L3MBTL4: variants seen among roughly 807,000 people sequenced by gnomAD.
The protein encoded by L3MBTL4 is L3MBTL histone methyl-lysine binding protein 4, also known as lethal(3)malignant brain tumor-like protein 4.
A neutral mutation model predicts 84.5 loss-of-function variants in L3MBTL4; 70 were observed. The ratio of observed to expected loss-of-function variants is 0.83; its 90% CI spans 0.68 to 1.01. The LOEUF is 1.01. Among genes scored for constraint, L3MBTL4 ranks in the 50% least tolerant of loss-of-function variants. L3MBTL4 has a pLI of 0.00. For synonymous variants in L3MBTL4, 274 were observed against 259.8 expected (o/e 1.05, Z -0.52); for missense variants, 715 against 754.8 (o/e 0.95, Z 0.62).
chr18:6,070,917 T>C (rs2057570142), intron 16 of L3MBTL4, among the ~76,000 whole-genome samples: 1 of 152,104 alleles, frequency 6.6e-6, no homozygotes, highest in South Asian at 2.1e-4. Flanking sequence ...TGATTCTATA[T>C]AAAGATAAAG....
chr18:6,301,773 C>A (rs1280347946), intron 4 of L3MBTL4, 130 bp downstream of exon 4: 2 of 751,960 alleles, frequency 2.7e-6, no homozygotes, highest in Non-Finnish European at 4.7e-6. Context: ...TATGCAATAC[C>A]CTGAATAAAT....
At chr18:6,388,386 A>G (rs765684832) in intron 1 of L3MBTL4, among the ~76,000 whole-genome samples, 7 of 152,204 alleles carry the variant, frequency 4.6e-5, no homozygotes, top group Non-Finnish European at 1.0e-4. Flanking sequence ...AAATTTTGAG[A>G]GTAAAAAAGT....
At chr18:6,164,659 C>T (rs1256583238) in intron 13 of L3MBTL4, among the ~76,000 whole-genome samples, 2 of 152,164 alleles carry the variant, frequency 1.3e-5, no homozygotes, top group Non-Finnish European at 2.9e-5. Flanking sequence ...GAAAGGACAT[C>T]CACACCAAAA....
chr18:6,322,776 G>A (rs2051495621), intron 1 of L3MBTL4, among the ~76,000 whole-genome samples: 1 of 152,082 alleles, frequency 6.6e-6, no homozygotes, highest in Admixed American at 6.6e-5. Context: ...AACTGAGGAT[G>A]GTAAATGGGT....
At chr18:6,317,202 A>G (rs2051152490) in intron 1 of L3MBTL4, among the ~76,000 whole-genome samples, 1 of 152,116 alleles carries the variant, frequency 6.6e-6, no homozygotes, top group Admixed American at 6.6e-5. Context: ...ACTCAGTACT[A>G]AAAGCACTAA....
chr18:6,317,313 G>A (rs1441650748), intron 1 of L3MBTL4, among the ~76,000 whole-genome samples: 1 of 151,788 alleles, frequency 6.6e-6, no homozygotes, highest in East Asian at 1.9e-4. Flanking sequence ...TACTCAAGCA[G>A]ATACCAGAGA....
intron 12 of L3MBTL4, among the ~76,000 whole-genome samples, chr18:6,186,949 C>A (rs1448643554): frequency 6.6e-6 from 1 of 152,106 alleles, no homozygotes; most frequent in Non-Finnish European, 1.5e-5. Flanking sequence ...AGATTCAGAG[C>A]TCGAAATCTT....
At chr18:6,084,247 G>A (rs542010694) in intron 15 of L3MBTL4, among the ~76,000 whole-genome samples, 1 of 152,302 alleles carries the variant, frequency 6.6e-6, no homozygotes, top group South Asian at 2.1e-4. Context: ...TGTAAACAAA[G>A]TTTCACTAGA....
intron 1 of L3MBTL4, among the ~76,000 whole-genome samples, chr18:6,404,314 C>T (rs375751112): frequency 1.5e-4 from 23 of 152,286 alleles, no homozygotes; most frequent in African/African-American, 5.1e-4. Context: ...CGTCCTTCCA[C>T]CTTGGTTCTT....
At chr18:6,028,652 T>A (rs1173567108) in intron 16 of L3MBTL4, among the ~76,000 whole-genome samples, 1 of 152,230 alleles carries the variant, frequency 6.6e-6, no homozygotes, top group Non-Finnish European at 1.5e-5. Flanking sequence ...ATGATATTGA[T>A]TCTTCCTATC....
At chr18:6,073,105 A>T (rs2057742461) in intron 16 of L3MBTL4, among the ~76,000 whole-genome samples, 1 of 150,870 alleles carries the variant, frequency 6.6e-6, no homozygotes, top group Non-Finnish European at 1.5e-5. Flanking sequence ...AAATTGGTCC[A>T]TTGTAAAGAT....
chr18:6,263,810 G>A, intron 5 of L3MBTL4, 137 bp downstream of exon 5: 1 of 732,226 alleles, frequency 1.4e-6, no homozygotes, highest in South Asian at 1.5e-5. Context: ...CTCTGATTAG[G>A]TTTGTGGGGT....
At chr18:6,336,363 A>C (rs2052338086) in intron 1 of L3MBTL4, among the ~76,000 whole-genome samples, 2 of 152,192 alleles carry the variant, frequency 1.3e-5, no homozygotes, top group South Asian at 4.1e-4. Context: ...CGGAGGCCAG[A>C]GGATCGAAAT....
At position 6,049,992 on chromosome 18, in the gene L3MBTL4, T is replaced by C. The variant is rs1335305783; in HGVS notation, c.1444+30889A>G. Among the ~76,000 whole-genome samples the C allele has an allele frequency of 2.6e-5, 4 of 152,212 alleles. No homozygotes were observed. In the East Asian group the frequency reaches 7.7e-4, roughly 29 times the overall value. ...TTTGTTAATACAAATTTTTAACTGA[T>C]CAGGATGTGAGCTAGCAAAATTCTA... On this transcript the variant is annotated intron_variant, in intron 16 of 18. Coordinates refer to ENST00000317931, the MANE Select transcript of L3MBTL4 (RefSeq NM_001330559.2).
chr18:6,031,180 C>T (rs1482659661), intron 16 of L3MBTL4: 1 of 985,288 alleles, frequency 1.0e-6, no homozygotes, highest in African/African-American at 1.7e-5. Context: ...CCCTCCTCCC[C>T]CGTGGGAGTA....
intron 16 of L3MBTL4, chr18:6,032,283 TA>T (rs56241623): frequency 0.47 from 426,211 of 900,902 alleles, 26,155 homozygotes; most frequent in African/African-American, 0.55. Flanking sequence ...GGCCTTAAAT[TA>T]AAAAAAAAAA....
chr18:6,146,459 G>C (rs189047513), intron 13 of L3MBTL4, among the ~76,000 whole-genome samples: 3 of 152,292 alleles, frequency 2.0e-5, no homozygotes, highest in African/African-American at 7.2e-5. Context: ...GCGCTACGAG[G>C]AAGCTGCGGA....
At chr18:6,304,639 C>T (rs1023088869) in intron 3 of L3MBTL4, among the ~76,000 whole-genome samples, 4 of 152,196 alleles carry the variant, frequency 2.6e-5, no homozygotes, top group African/African-American at 7.2e-5. Flanking sequence ...GAAACAGTCA[C>T]GCAATCATAT....
chr18:6,332,037 A>G (rs2052064246), intron 1 of L3MBTL4, among the ~76,000 whole-genome samples: 1 of 152,084 alleles, frequency 6.6e-6, no homozygotes, highest in Non-Finnish European at 1.5e-5. Flanking sequence ...TCACTGGCCT[A>G]TGTTCTCAGA....
Sources: gnomAD v4.1 joint callset for allele counts (sites outside exome capture counted in the v4.1 genomes callset) on GRCh38, gnomAD v4.1.1 for gene constraint, MANE v1.5 for transcripts, NCBI Gene and HGNC (gene_info 2026-07-23, HGNC 2026-07-21) for gene names.